The following SBF2 variants were observed in gnomAD, a reference collection of about 807,000 sequenced individuals.
SBF2 encodes the protein myotubularin-related protein 13.
In SBF2, 112 loss-of-function variants were observed where a neutral mutation model predicts 225.2. The observed-to-expected ratio is 0.50, with a 90% CI of 0.43 to 0.58. The LOEUF (loss-of-function observed/expected upper bound fraction) is 0.58, where lower values mean the gene tolerates loss of function less well. Ranked by LOEUF, SBF2 falls within the 20% of genes least tolerant of loss-of-function variation. SBF2 has a pLI of 0.00. For missense variants in SBF2, 1,996 were observed against 2,206.2 expected, an observed-to-expected ratio of 0.90 and a Z score of 1.91; for synonymous variants, 763 against 773.3, an observed-to-expected ratio of 0.99 and a Z score of 0.22.
chr11:9,964,299 C>T (rs1446867719), intron 14 of SBF2, among the ~76,000 whole-genome samples: 1 of 151,986 alleles, frequency 6.6e-6, no homozygotes, highest in Non-Finnish European at 1.5e-5. Context: ...TTATTTTTTC[C>T]CTTATTACAG....
chr11:10,201,286 T>A (rs1277146022), intron 1 of SBF2, among the ~76,000 whole-genome samples: 1 of 152,242 alleles, frequency 6.6e-6, no homozygotes, highest in Non-Finnish European at 1.5e-5. Flanking sequence ...AATCTGCTTT[T>A]GAGCAAATGA....
intron 2 of SBF2, among the ~76,000 whole-genome samples, chr11:10,150,740 A>AAC (rs1255717326): frequency 1.3e-5 from 2 of 152,116 alleles, no homozygotes; most frequent in Non-Finnish European, 2.9e-5. Flanking sequence ...ACCTGGATAA[A>AAC]ACAGTAAAGA....
At chr11:9,969,165 T>C (rs528459623) in intron 13 of SBF2, among the ~76,000 whole-genome samples, 1 of 152,338 alleles carries the variant, frequency 6.6e-6, no homozygotes, top group Non-Finnish European at 1.5e-5. Flanking sequence ...CTTAGAGTTA[T>C]CTTTAATGCC....
At chr11:10,211,748 C>T (rs1023987504) in intron 1 of SBF2, among the ~76,000 whole-genome samples, 7 of 152,098 alleles carry the variant, frequency 4.6e-5, no homozygotes, top group Non-Finnish European at 7.4e-5. Context: ...AATATGATGA[C>T]GGTGTACTAT....
chr11:9,836,800 T>C (rs1394745500), intron 26 of SBF2, among the ~76,000 whole-genome samples: 1 of 152,184 alleles, frequency 6.6e-6, no homozygotes, highest in Non-Finnish European at 1.5e-5. Flanking sequence ...ATTAGATTCA[T>C]CCCTAAGTAA....
At chr11:10,255,517 T>G (rs1400126695) in intron 1 of SBF2, among the ~76,000 whole-genome samples, 4 of 152,208 alleles carry the variant, frequency 2.6e-5, no homozygotes. Flanking sequence ...GTCAGTTCTG[T>G]GAAGATACAT....
intron 17 of SBF2, among the ~76,000 whole-genome samples, chr11:9,880,108 A>T (rs1297450781): frequency 8.0e-6 from 1 of 124,358 alleles, no homozygotes; most frequent in African/African-American, 2.7e-5. Context: ...AAAAAAAAAA[A>T]AAAGATCTCA....
intron 17 of SBF2, among the ~76,000 whole-genome samples, chr11:9,869,899 G>A (rs886902999): frequency 6.6e-6 from 1 of 152,184 alleles, no homozygotes; most frequent in Non-Finnish European, 1.5e-5. Flanking sequence ...AATAGAAAGA[G>A]AGGAAGTCAA....
Position 10,133,507 on chromosome 11 carries a change from T to C in SBF2, c.141+60395A>G, listed in dbSNP as rs536400454. ...GAACGCAGTGCCGGTGGGCCAGCACTGCTGGGGGACTCAGTACACCCTCCG... is the reference window on the plus strand; with the variant it reads ...GAACGCAGTGCCGGTGGGCCAGCACCGCTGGGGGACTCAGTACACCCTCCG... On this transcript the variant is annotated intron_variant, in intron 2 of 39. Transcript: ENST00000256190. Among the ~76,000 whole-genome samples the C allele has an allele frequency of 1.1e-3, 156 of 136,230 alleles. 21 individuals carry two copies. The highest frequency in any genetic ancestry group is 1.5e-3 in the Non-Finnish European group (91 of 58,864). The allele number at this position is 136,230 out of a possible 152,430, so 89.4% of individuals were successfully genotyped here.
intron 2 of SBF2, among the ~76,000 whole-genome samples, chr11:10,049,857 T>C (rs56037770): frequency 0.025 from 3,857 of 152,226 alleles, 73 homozygotes; most frequent in African/African-American, 0.04. Flanking sequence ...GCCAAAAATA[T>C]CTTTCAAAAT....
intron 16 of SBF2, among the ~76,000 whole-genome samples, chr11:9,906,946 C>A (rs896070138): frequency 6.6e-6 from 1 of 152,120 alleles, no homozygotes; most frequent in African/African-American, 2.4e-5. Flanking sequence ...TTGTTGCCAA[C>A]ATTCCAGTTT....
In SBF2 at chr11:10,203,610, A is replaced by C. The variant is rs79471943; in HGVS notation, c.56-9623T>G. 2.6e-5 allele frequency among the ~76,000 whole-genome samples: 4 copies of C among 151,076 alleles called. No homozygotes were observed. In the East Asian group the frequency reaches 5.8e-4, roughly 22 times the overall value. ...CACTAGGCATGAAAAGAAGCAGAAA[A>C]GTATGGGCCACAAGGAGGACAAAAA... On this transcript the variant is annotated intron_variant, in intron 1 of 39. Transcript: ENST00000256190.
Position 9,967,937 on chromosome 11 carries a change from CTGTCTG to C in SBF2, c.1600+398_1600+403del, listed in dbSNP as rs1275550752. Reference sequence around the variant, plus strand: ...TCTGTCTGTCTGTCTGTCTGTCTGTCTGTCTGTCTGTCTCTCTCTCTCTCTCTCTCT... The same window carrying C: ...TCTGTCTGTCTGTCTGTCTGTCTGTCTCTGTCTCTCTCTCTCTCTCTCTCT... On this transcript the variant is annotated intron_variant, in intron 14 of 39. Coordinates refer to ENST00000256190, the MANE Select transcript of SBF2 (RefSeq NM_030962.4). Among the ~76,000 whole-genome samples, 663 of 118,494 alleles carry C rather than the reference CTGTCTG, an allele frequency of 5.6e-3. 1 individual carries two copies. The highest frequency in any genetic ancestry group is 9.2e-3 in the Non-Finnish European group (512 of 55,814). The allele number at this position is 118,494 out of a possible 152,430, so 77.7% of individuals were successfully genotyped here.
chr11:10,300,431 C>G (rs1964584491), intron 1 of SBF2, among the ~76,000 whole-genome samples: 1 of 151,940 alleles, frequency 6.6e-6, no homozygotes, highest in African/African-American at 2.4e-5. Flanking sequence ...TTTGGTAGGC[C>G]AAGGCGAGTG....
rs113969792 is a variant in SBF2, at chr11:9,950,446, G to C, written c.1860+11511C>G. On this transcript the variant is annotated intron_variant, in intron 16 of 39. Transcript: ENST00000256190. ...ATGAAAAAGTTTTAAAATGACTACT[G>C]CAGATAATAGGACACTGATATTTCA... Among the ~76,000 whole-genome samples, 695 of 152,262 alleles carry C rather than the reference G, an allele frequency of 4.6e-3. 2 individuals are homozygous for C. The highest frequency in any genetic ancestry group is 0.016 in the African/African-American group (658 of 41,536).
chr11:10,270,129 TA>T (rs1197271473), intron 1 of SBF2, among the ~76,000 whole-genome samples: 2 of 152,180 alleles, frequency 1.3e-5, no homozygotes, highest in African/African-American at 4.8e-5. Context: ...ATTAAAATGA[TA>T]AAAACATTTT....
intron 30 of SBF2, among the ~76,000 whole-genome samples, chr11:9,810,041 T>C (rs1044293297): frequency 6.6e-6 from 1 of 151,924 alleles, no homozygotes; most frequent in Non-Finnish European, 1.5e-5. Flanking sequence ...CTTTGGGAGG[T>C]TGAAGCAGGA....
chr11:9,869,429 G>A (rs893357207), intron 17 of SBF2, among the ~76,000 whole-genome samples: 12 of 151,818 alleles, frequency 7.9e-5, no homozygotes, highest in African/African-American at 1.9e-4. Flanking sequence ...AGTGGTTCTC[G>A]TGCCTCAGCC....
chr11:10,186,808 C>T (rs149231066), intron 2 of SBF2, among the ~76,000 whole-genome samples: 53 of 152,300 alleles, frequency 3.5e-4, no homozygotes, highest in Admixed American at 3.1e-3. Context: ...GCATATAAAA[C>T]ACAGTAAATC....
Sources: allele counts gnomAD v4.1 joint callset (sites outside exome capture counted in the v4.1 genomes callset), GRCh38; gene constraint gnomAD v4.1.1; transcripts MANE v1.5; gene names NCBI Gene and HGNC (gene_info 2026-07-23, HGNC 2026-07-21).